Variants in THRB observed in about 807,000 individuals in gnomAD.
THRB encodes thyroid hormone receptor beta, also known as nuclear receptor subfamily 1 group A member 2.
In THRB, 12 loss-of-function variants were observed where a neutral mutation model predicts 47.8. The observed-to-expected ratio is 0.25, with a 90% CI of 0.16 to 0.41. The LOEUF is 0.41. THRB is among the 10% of genes least tolerant of loss of function. The probability of loss-of-function intolerance (pLI) is 1.00; values close to 1 mark genes in which losing one functional copy is unlikely to be tolerated. For missense variants in THRB, 348 were observed against 589.2 expected (o/e 0.59, Z 4.24); for synonymous variants, 218 against 212.2 (o/e 1.03, Z -0.24).
Position 24,254,389 on chromosome 3 carries a change from T to TA in THRB, c.-42-25389dup, listed in dbSNP as rs776833610. ...TGGGCAACAGAGGGAGACTCCATCT[T>TA]AAAAAAAAAAAAAGAAAAGAAAACC... is the stretch of plus-strand genomic sequence containing the variant. On this transcript the variant is annotated intron_variant, in intron 3 of 10. Transcript: ENST00000646209. 7.8e-3 allele frequency among the ~76,000 whole-genome samples: 1,091 copies of TA among 139,616 alleles called. 8 individuals carry two copies. Among genetic ancestry groups the TA allele is most frequent in the African/African-American group, 0.022 (846 of 38,074 alleles). 91.6% of individuals were successfully genotyped at this position (139,616 alleles called of 152,430 possible). A position where few individuals can be genotyped will look rare whatever the true frequency, so the allele number is the denominator to read the frequency against.
intron 5 of THRB, among the ~76,000 whole-genome samples, chr3:24,183,368 CTT>C (rs1193344905): frequency 1.1e-4 from 9 of 84,260 alleles, no homozygotes; most frequent in Non-Finnish European, 1.8e-4. Context: ...TTTTTCTTTT[CTT>C]TTTTTTTTTT....
At chr3:24,284,842 C>T (rs2055075517) in intron 3 of THRB, among the ~76,000 whole-genome samples, 1 of 152,136 alleles carries the variant, frequency 6.6e-6, no homozygotes, top group Non-Finnish European at 1.5e-5. Context: ...TGCTCACCAT[C>T]ACTGGCCATC....
chr3:24,172,541 A>G (rs2040569672), intron 5 of THRB, among the ~76,000 whole-genome samples: 1 of 152,106 alleles, frequency 6.6e-6, no homozygotes, highest in African/African-American at 2.4e-5. Context: ...AGCTCTACAA[A>G]AGGGCACTAA....
chr3:24,438,929 C>T (rs1320376676), intron 1 of THRB, among the ~76,000 whole-genome samples: 1 of 152,084 alleles, frequency 6.6e-6, no homozygotes, highest in Non-Finnish European at 1.5e-5. Context: ...AATTCCTAGG[C>T]AAATCAGGCT....
At chr3:24,231,817 G>C (rs1378691113) in intron 3 of THRB, among the ~76,000 whole-genome samples, 1 of 152,142 alleles carries the variant, frequency 6.6e-6, no homozygotes, top group African/African-American at 2.4e-5. Context: ...CAGAGGCCTG[G>C]AGCTCACCAG....
chr3:24,323,074 C>T (rs913329747), intron 2 of THRB, among the ~76,000 whole-genome samples: 2 of 152,120 alleles, frequency 1.3e-5, no homozygotes, highest in African/African-American at 4.8e-5. Flanking sequence ...TAGCAGAAGG[C>T]CTATTGGTGT....
chr3:24,127,643 T>C lies in THRB; in HGVS notation c.1000A>G (p.Met334Val). ...ESETLTLNGE[M>V]AVTRGQLKNG... The stretch of plus-strand genomic sequence containing the variant: ...TTCAGCTGGCCCCGTGTCACTGCCA[T>C]TTCCCCATTCAAGGTTAAAGTCTCA... The change falls in exon 10 of 11, where the codon ATG becomes GTG. Residue 334 changes from methionine to valine, a missense_variant. Transcript: ENST00000646209. 6.2e-7 allele frequency: 1 copy of C among 1,614,148 alleles called. No homozygotes were observed. The highest frequency in any genetic ancestry group is 8.5e-7 in the Non-Finnish European group (1 of 1,180,016).
intron 4 of THRB, among the ~76,000 whole-genome samples, chr3:24,213,795 G>C (rs1206259745): frequency 6.6e-6 from 1 of 152,228 alleles, no homozygotes; most frequent in South Asian, 2.1e-4. Context: ...GGAATGGGTT[G>C]TTCAGGAAAA....
intron 3 of THRB, among the ~76,000 whole-genome samples, chr3:24,292,083 A>T (rs2055982151): frequency 6.6e-6 from 1 of 152,162 alleles, no homozygotes; most frequent in Non-Finnish European, 1.5e-5. Context: ...TTATATAGAG[A>T]GGTATGAAAA....
intron 1 of THRB, among the ~76,000 whole-genome samples, chr3:24,465,582 T>G (rs577604674): frequency 2.4e-4 from 36 of 152,220 alleles, no homozygotes; most frequent in Non-Finnish European, 4.3e-4. Context: ...TTTTGTATGT[T>G]TAGTAGAGAT....
At chr3:24,313,307 C>A (rs55914535) in intron 2 of THRB, among the ~76,000 whole-genome samples, 17,822 of 152,108 alleles carry the variant, frequency 0.12, 1,108 homozygotes, top group South Asian at 0.19. Flanking sequence ...CTCAACCTGG[C>A]GCACATTCCT....
chr3:24,335,959 G>T (rs1576936614), intron 2 of THRB, among the ~76,000 whole-genome samples: 1 of 152,156 alleles, frequency 6.6e-6, no homozygotes, highest in South Asian at 2.1e-4. Context: ...TGGGGTTGCA[G>T]GAGCCTTCTC....
chr3:24,395,050 T>C (rs1179125192), intron 1 of THRB, among the ~76,000 whole-genome samples: 1 of 152,042 alleles, frequency 6.6e-6, no homozygotes, highest in Non-Finnish European at 1.5e-5. Flanking sequence ...TTTTAAAAAC[T>C]CACTCTAGAA....
chr3:24,447,865 A>G (rs1349304552), intron 1 of THRB, among the ~76,000 whole-genome samples: 1 of 152,010 alleles, frequency 6.6e-6, no homozygotes, highest in Non-Finnish European at 1.5e-5. Flanking sequence ...AGTTTGAACT[A>G]TAAAGAGAAA....
At chr3:24,150,799 T>C (rs2149083667) in intron 6 of THRB, among the ~76,000 whole-genome samples, 1 of 152,306 alleles carries the variant, frequency 6.6e-6, no homozygotes, top group South Asian at 2.1e-4. Flanking sequence ...TATGCGCCGA[T>C]TTAGAAGAAT....
chr3:24,418,932 T>C (rs2068991471), intron 1 of THRB, among the ~76,000 whole-genome samples: 2 of 151,932 alleles, frequency 1.3e-5, no homozygotes, highest in African/African-American at 2.4e-5. Context: ...TACCTTAATC[T>C]AGGAATGGTG....
intron 8 of THRB, among the ~76,000 whole-genome samples, chr3:24,135,167 C>T (rs1478516868): frequency 1.3e-5 from 2 of 152,126 alleles, no homozygotes; most frequent in Non-Finnish European, 1.5e-5. Flanking sequence ...TAGAGTAATC[C>T]AGTTCCCTTG....
chr3:24,295,510 A>G (rs2056369115), intron 3 of THRB, among the ~76,000 whole-genome samples: 1 of 152,236 alleles, frequency 6.6e-6, no homozygotes, highest in South Asian at 2.1e-4. Context: ...AAGTACAAAG[A>G]CAAGTTTTTG....
At chr3:24,287,519 A>G (rs1347618614) in intron 3 of THRB, among the ~76,000 whole-genome samples, 1 of 152,178 alleles carries the variant, frequency 6.6e-6, no homozygotes, top group Non-Finnish European at 1.5e-5. Context: ...TTTAGTTTGT[A>G]AGTGAGATGA....
Sources: allele counts gnomAD v4.1 joint callset (sites outside exome capture counted in the v4.1 genomes callset), GRCh38; gene constraint gnomAD v4.1.1; transcripts MANE v1.5; gene names NCBI Gene and HGNC (gene_info 2026-07-23, HGNC 2026-07-21).